The following CACNA2D3 variants were observed in gnomAD, a reference collection of about 807,000 sequenced individuals.
CACNA2D3 encodes calcium voltage-gated channel auxiliary subunit alpha2delta 3, also known as voltage-dependent calcium channel subunit alpha-2/delta-3.
In CACNA2D3, 60 loss-of-function variants were observed where a neutral mutation model predicts 160.6. The observed-to-expected ratio is 0.37, with a 90% CI of 0.30 to 0.46. The LOEUF is 0.46. CACNA2D3 is among the 20% of genes least tolerant of loss of function. The pLI, the probability that CACNA2D3 is intolerant of heterozygous loss-of-function variation, is 1.00. For synonymous variants in CACNA2D3, 558 were observed against 492.9 expected (o/e 1.13, Z -1.75); for missense variants, 1,205 against 1,365.0 (o/e 0.88, Z 1.85).
rs1559480667 is a variant in CACNA2D3, at chr3:55,074,310, T to C, written c.*104T>C. On this transcript the variant is annotated 3_prime_UTR_variant, in exon 38 of 38. Coordinates refer to ENST00000474759, the MANE Select transcript of CACNA2D3 (RefSeq NM_018398.3). ...TGGTGCAACATACGAGACATGAATA[T>C]AGTCCAACCATCAGCATCTCATCAT... The C allele has an allele frequency of 1.1e-6, 1 of 874,938 alleles. No homozygotes were observed. Among genetic ancestry groups the C allele is most frequent in the Non-Finnish European group, 1.9e-6 (1 of 515,560 alleles). 54.2% of individuals were successfully genotyped at this position (874,938 alleles called of 1,614,324 possible).
intron 27 of CACNA2D3, among the ~76,000 whole-genome samples, chr3:54,952,962 C>T (rs760526809): frequency 1.6e-4 from 24 of 152,124 alleles, no homozygotes; most frequent in Non-Finnish European, 2.8e-4. Flanking sequence ...GCCTAATGTT[C>T]CTGAAGGTGA....
intron 3 of CACNA2D3, among the ~76,000 whole-genome samples, chr3:54,358,404 A>C (rs946745810): frequency 1.3e-5 from 2 of 152,242 alleles, no homozygotes; most frequent in Non-Finnish European, 2.9e-5. Context: ...GACTGCAAGG[A>C]GGTCCGGTTG....
At chr3:54,424,500 G>A (rs1699884745) in intron 4 of CACNA2D3, among the ~76,000 whole-genome samples, 1 of 152,186 alleles carries the variant, frequency 6.6e-6, no homozygotes, top group African/African-American at 2.4e-5. Flanking sequence ...CACATTTCCT[G>A]ATGGGCCTGA....
chr3:54,782,291 A>G (rs1023254845), intron 13 of CACNA2D3, among the ~76,000 whole-genome samples: 3 of 152,220 alleles, frequency 2.0e-5, no homozygotes, highest in African/African-American at 7.2e-5. Context: ...GCATATAACA[A>G]TGCTGTATTA....
At chr3:54,987,560 T>G in intron 30 of CACNA2D3, 123 bp from the exon 31 acceptor site, 1 of 586,738 alleles carries the variant, frequency 1.7e-6, no homozygotes. Flanking sequence ...TTTTCCACTT[T>G]CCTGAAAACC....
At chr3:54,306,001 A>T (rs753432709) in intron 2 of CACNA2D3, among the ~76,000 whole-genome samples, 39 of 152,198 alleles carry the variant, frequency 2.6e-4, no homozygotes, top group Non-Finnish European at 4.0e-4. Context: ...ACCCATGAAG[A>T]AACACCTGTG....
At chr3:54,728,494 C>T (rs989684148) in intron 11 of CACNA2D3, among the ~76,000 whole-genome samples, 5 of 151,982 alleles carry the variant, frequency 3.3e-5, no homozygotes, top group African/African-American at 1.2e-4. Context: ...GAGTCTGTGC[C>T]TGTCTGTAAT....
At chr3:55,059,512 C>T (rs1704449105) in intron 35 of CACNA2D3, among the ~76,000 whole-genome samples, 1 of 152,144 alleles carries the variant, frequency 6.6e-6, no homozygotes, top group African/African-American at 2.4e-5. Context: ...TGCAGACGGG[C>T]AGGTGCAGGA....
intron 13 of CACNA2D3, among the ~76,000 whole-genome samples, chr3:54,787,992 T>G (rs903819762): frequency 1.3e-5 from 2 of 152,236 alleles, no homozygotes; most frequent in African/African-American, 4.8e-5. Context: ...TGTCACTGTT[T>G]ATAGTCTTCC....
chr3:54,612,702 G>A (rs749518665), intron 9 of CACNA2D3, among the ~76,000 whole-genome samples: 3 of 152,128 alleles, frequency 2.0e-5, no homozygotes, highest in Non-Finnish European at 2.9e-5. Flanking sequence ...GGTCCAGGGC[G>A]CTGGGAAGAT....
chr3:54,795,617 A>G (rs750809482), intron 13 of CACNA2D3, among the ~76,000 whole-genome samples: 2 of 152,158 alleles, frequency 1.3e-5, no homozygotes, highest in East Asian at 1.9e-4. Flanking sequence ...TGGGTATGGC[A>G]TATCTTTCAC....
At chr3:54,744,011 T>C (rs889677884) in intron 11 of CACNA2D3, among the ~76,000 whole-genome samples, 7 of 152,206 alleles carry the variant, frequency 4.6e-5, no homozygotes, top group African/African-American at 1.4e-4. Flanking sequence ...CCTTTACATG[T>C]GGTCATGCAA....
At chr3:54,330,210 ATGTGTG>A (rs10591706) in intron 3 of CACNA2D3, among the ~76,000 whole-genome samples, 9,573 of 146,610 alleles carry the variant, frequency 0.065, 360 homozygotes, top group African/African-American at 0.1. Flanking sequence ...TTTAATTGAT[ATGTGTG>A]TGTGTGTGTG....
chr3:54,652,919 A>G (rs1448746296), intron 11 of CACNA2D3, among the ~76,000 whole-genome samples: 1 of 150,726 alleles, frequency 6.6e-6, no homozygotes, highest in Non-Finnish European at 1.5e-5. Flanking sequence ...AGTAGCTGGG[A>G]TGATAGGCGC....
At chr3:54,838,731 A>G in intron 16 of CACNA2D3, 83 bp downstream of exon 16, 2 of 1,015,908 alleles carry the variant, frequency 2.0e-6, no homozygotes, top group Non-Finnish European at 1.6e-6. Context: ...TTCAAACTCT[A>G]CTTTGGAGCG....
intron 11 of CACNA2D3, among the ~76,000 whole-genome samples, chr3:54,652,111 T>C (rs1699776737): frequency 6.6e-6 from 1 of 152,098 alleles, no homozygotes; most frequent in South Asian, 2.1e-4. Context: ...CAGAGAAGCC[T>C]CACAAAATAA....
chr3:55,053,001 TA>T (rs1704264040), intron 35 of CACNA2D3, among the ~76,000 whole-genome samples: 1 of 152,108 alleles, frequency 6.6e-6, no homozygotes, highest in South Asian at 2.1e-4. Flanking sequence ...GCCACATATT[TA>T]ATGTAGAATA....
intron 11 of CACNA2D3, among the ~76,000 whole-genome samples, chr3:54,703,003 C>G (rs1700793670): frequency 6.6e-6 from 1 of 152,092 alleles, no homozygotes; most frequent in African/African-American, 2.4e-5. Flanking sequence ...TACATGTTTT[C>G]ATTTATAAGT....
intron 5 of CACNA2D3, among the ~76,000 whole-genome samples, chr3:54,519,200 G>A (rs565203098): frequency 2.3e-5 from 2 of 88,400 alleles, no homozygotes; most frequent in African/African-American, 4.4e-5. Context: ...TCACACTCGT[G>A]GAGTCATCAC....
Sources: allele counts gnomAD v4.1 joint callset (sites outside exome capture counted in the v4.1 genomes callset), GRCh38; gene constraint gnomAD v4.1.1; transcripts MANE v1.5; gene names NCBI Gene and HGNC (gene_info 2026-07-23, HGNC 2026-07-21).